ARHGEF26: variants seen among roughly 807,000 people sequenced by gnomAD.
The protein encoded by ARHGEF26 is Rho guanine nucleotide exchange factor (GEF) 26.
Under a neutral mutation model 89.4 loss-of-function variants are expected in ARHGEF26, and 59 were observed. That is an observed-to-expected ratio of 0.66 (90% CI 0.54 to 0.82). The LOEUF (loss-of-function observed/expected upper bound fraction) is 0.82. Among genes scored for constraint, ARHGEF26 ranks in the 40% least tolerant of loss-of-function variants. The pLI, the probability that ARHGEF26 is intolerant of heterozygous loss-of-function variation, is 0.00. For synonymous variants in ARHGEF26, 500 were observed against 428.4 expected, an observed-to-expected ratio of 1.17 and a Z score of -2.06; for missense variants, 1,234 against 1,085.6, an observed-to-expected ratio of 1.14 and a Z score of -1.92.
intron 6 of ARHGEF26, among the ~76,000 whole-genome samples, chr3:154,157,948 A>G (rs1711500331): frequency 6.6e-6 from 1 of 152,126 alleles, no homozygotes; most frequent in Non-Finnish European, 1.5e-5. Context: ...TTAAGTTTAA[A>G]TGAGATAACT....
intron 12 of ARHGEF26, among the ~76,000 whole-genome samples, chr3:154,246,378 C>T (rs1717802646): frequency 6.6e-6 from 1 of 152,114 alleles, no homozygotes; most frequent in Admixed American, 6.5e-5. Context: ...CAACAAAGTC[C>T]AGTTTGTCTT....
chr3:154,223,394 A>G (rs113471885), intron 10 of ARHGEF26, among the ~76,000 whole-genome samples: 3,282 of 152,368 alleles, frequency 0.022, 62 homozygotes, highest in Non-Finnish European at 0.032. Context: ...TCAAAAACAT[A>G]TACACAAATC....
intron 4 of ARHGEF26, among the ~76,000 whole-genome samples, chr3:154,135,291 T>C (rs746529534): frequency 7.2e-5 from 11 of 152,186 alleles, no homozygotes; most frequent in Non-Finnish European, 1.5e-4. Context: ...GATTTCTCCC[T>C]AGTTCAGTCT....
intron 11 of ARHGEF26, among the ~76,000 whole-genome samples, chr3:154,235,150 A>G (rs1409865392): frequency 6.6e-6 from 1 of 151,534 alleles, no homozygotes; most frequent in Non-Finnish European, 1.5e-5. Flanking sequence ...ACTCCCTGCC[A>G]TCTCTCAAAA....
intron 6 of ARHGEF26, among the ~76,000 whole-genome samples, chr3:154,176,513 C>T (rs1236327857): frequency 6.6e-6 from 1 of 152,156 alleles, no homozygotes; most frequent in East Asian, 1.9e-4. Context: ...TCAGTGTCAG[C>T]ATCCTTCACA....
intron 6 of ARHGEF26, among the ~76,000 whole-genome samples, chr3:154,157,600 C>G (rs1711498789): frequency 6.6e-6 from 1 of 152,072 alleles, no homozygotes; most frequent in Non-Finnish European, 1.5e-5. Flanking sequence ...AGTAACACAG[C>G]TAGCTAGGGT....
chr3:154,122,581 G>T lies in ARHGEF26; in HGVS notation c.589G>T (p.Asp197Tyr). 6.2e-7 allele frequency: 1 copy of T among 1,613,630 alleles called. No homozygotes were observed. Among genetic ancestry groups the T allele is most frequent in the Non-Finnish European group, 8.5e-7 (1 of 1,179,890 alleles). ...TTCGCAGTCCGGCCGGAAGGCAAAG[G>T]ACCCCGAACGGGGGCTCTTTCCTGG... Reference protein sequence around the residue: ...SGSQSGRKAKDPERGLFPGPQ... With the variant: ...SGSQSGRKAKYPERGLFPGPQ... The change falls in exon 2 of 15, where the codon GAC becomes TAC. Residue 197 changes from aspartate (D) to tyrosine (Y), a missense_variant. By Grantham distance (160) the Asp-to-Tyr change is radical (BLOSUM62 -3). Coordinates refer to ENST00000465093, the MANE Select transcript of ARHGEF26 (RefSeq NM_015595.4).
At chr3:154,167,384 A>G (rs555915892) in intron 6 of ARHGEF26, among the ~76,000 whole-genome samples, 1 of 152,218 alleles carries the variant, frequency 6.6e-6, no homozygotes, top group East Asian at 1.9e-4. Context: ...TGGATGGGGG[A>G]ACTGAGGAAG....
At chr3:154,191,739 A>G (rs1455374091) in intron 8 of ARHGEF26, among the ~76,000 whole-genome samples, 1 of 152,222 alleles carries the variant, frequency 6.6e-6, no homozygotes, top group East Asian at 1.9e-4. Flanking sequence ...GCCATTAGGC[A>G]TGTGACCTTG....
intron 6 of ARHGEF26, among the ~76,000 whole-genome samples, chr3:154,153,736 G>A (rs11925894): frequency 0.18 from 27,112 of 151,730 alleles, 2,929 homozygotes; most frequent in East Asian, 0.36. Context: ...TGTTTCTTGT[G>A]TATCTTTTTA....
Position 154,225,962 on chromosome 3 carries a change from T to C in ARHGEF26, c.2042T>C (p.Val681Ala), listed in dbSNP as rs369296020. 51 of 1,613,322 alleles carry C rather than the reference T, an allele frequency of 3.2e-5. No individual in the cohort carries two copies. In the African/African-American group the frequency reaches 6.1e-4, roughly 19 times the overall value. Residue 681 changes from valine (V) to alanine (A), a missense_variant, in exon 11 of 15, where the codon GTC (valine) becomes GCC (alanine). By Grantham distance (64) the Val-to-Ala change is moderately conservative (BLOSUM62 0). Transcript: ENST00000465093. ...TCAAGAAGGACATCCAAACAGCAAG[T>C]CTACTTCTTTCTCTTTAACGATGTG... ...LFSRRTSKQQ[V>A]YFFLFNDVLI...
intron 4 of ARHGEF26, among the ~76,000 whole-genome samples, chr3:154,134,077 G>A (rs924547527): frequency 5.3e-5 from 8 of 152,082 alleles, no homozygotes; most frequent in Non-Finnish European, 1.0e-4. Flanking sequence ...TTTTTTATCA[G>A]CTTAAGAAGC....
chr3:154,160,440 T>TAG (rs1711588031), intron 6 of ARHGEF26, among the ~76,000 whole-genome samples: 1 of 152,156 alleles, frequency 6.6e-6, no homozygotes, highest in African/African-American at 2.4e-5. Flanking sequence ...GATGACTGAT[T>TAG]AGAGACATGC....
At chr3:154,174,640 T>C (rs1280727301) in intron 6 of ARHGEF26, among the ~76,000 whole-genome samples, 1 of 152,222 alleles carries the variant, frequency 6.6e-6, no homozygotes. Context: ...TTTCCTTCAT[T>C]TTCCTTCCTG....
chr3:154,181,551 T>C (rs886175084), intron 6 of ARHGEF26, among the ~76,000 whole-genome samples: 6 of 152,208 alleles, frequency 3.9e-5, no homozygotes, highest in African/African-American at 7.2e-5. Context: ...CCTTTTTTTC[T>C]GTGTTTCCAG....
intron 12 of ARHGEF26, among the ~76,000 whole-genome samples, chr3:154,246,548 G>A (rs924237507): frequency 2.0e-5 from 3 of 152,160 alleles, no homozygotes; most frequent in African/African-American, 7.2e-5. Flanking sequence ...GTCTGCAATG[G>A]ATTCAAGGGG....
intron 4 of ARHGEF26, 35 bp downstream of exon 4, chr3:154,129,754 A>C: frequency 1.3e-6 from 2 of 1,573,038 alleles, no homozygotes; most frequent in Non-Finnish European, 1.7e-6. Flanking sequence ...CTGTGGTAGG[A>C]AAAAAACAAG....
intron 9 of ARHGEF26, among the ~76,000 whole-genome samples, chr3:154,215,601 T>C (rs1465380540): frequency 4.6e-5 from 7 of 152,260 alleles, no homozygotes; most frequent in Middle Eastern, 3.4e-3. Flanking sequence ...AGATATTTAT[T>C]GCTCACAGTT....
chr3:154,234,986 T>G (rs1271998847), intron 11 of ARHGEF26, among the ~76,000 whole-genome samples: 2 of 152,086 alleles, frequency 1.3e-5, no homozygotes, highest in African/African-American at 2.4e-5. Flanking sequence ...ATGGTCTCGA[T>G]CTCCTGACCT....
Sources: allele counts gnomAD v4.1 joint callset (sites outside exome capture counted in the v4.1 genomes callset), GRCh38; gene constraint gnomAD v4.1.1; transcripts MANE v1.5; gene names NCBI Gene and HGNC (gene_info 2026-07-23, HGNC 2026-07-21).